Variants in EPHA7 observed in about 807,000 individuals in gnomAD.
EPHA7 encodes EPH receptor A7.
In EPHA7, 25 loss-of-function variants were observed where a neutral mutation model predicts 112.6. The observed-to-expected ratio is 0.22, with a 90% CI of 0.16 to 0.31. The LOEUF is 0.31. Among genes scored for constraint, EPHA7 ranks in the 10% least tolerant of loss-of-function variants. EPHA7 has a pLI of 1.00. For missense variants in EPHA7, 962 were observed against 1,212.6 expected (o/e 0.79, Z 3.07); for synonymous variants, 437 against 406.5 (o/e 1.07, Z -0.90).
At chr6:93,344,307 G>A (rs1775284094) in intron 5 of EPHA7, among the ~76,000 whole-genome samples, 1 of 151,202 alleles carries the variant, frequency 6.6e-6, no homozygotes, top group Non-Finnish European at 1.5e-5. Context: ...AGATTATCAG[G>A]TTCTCAACAA....
chr6:93,383,194 T>G (rs1233787732), intron 3 of EPHA7, among the ~76,000 whole-genome samples: 3 of 151,918 alleles, frequency 2.0e-5, no homozygotes, highest in Non-Finnish European at 4.4e-5. Context: ...TGTGTGTGTG[T>G]GTATATATAT....
intron 5 of EPHA7, among the ~76,000 whole-genome samples, chr6:93,278,347 T>C (rs1771567442): frequency 6.6e-6 from 1 of 152,052 alleles, no homozygotes; most frequent in South Asian, 2.1e-4. Context: ...ATAGAATTTC[T>C]CTTAATGTGA....
In EPHA7 at chr6:93,242,912, C is replaced by G. The variant is rs947054928; in HGVS notation, c.*514G>C. The G allele has an allele frequency of 9.2e-6, 2 of 216,730 alleles. No individual in the cohort carries two copies. Among genetic ancestry groups the G allele is most frequent in the African/African-American group, 4.5e-5 (2 of 44,452 alleles). 13.4% of individuals were successfully genotyped at this position (216,730 alleles called of 1,614,324 possible). A position where few individuals can be genotyped will look rare whatever the true frequency, so the allele number is the denominator to read the frequency against. ...AAATTTGAGATTCTTTCAAAGGTAC[C>G]CAGTGTAGTAATGTTACAGATTTAA... On this transcript the variant is annotated 3_prime_UTR_variant, in exon 17 of 17. Transcript: ENST00000369303.
chr6:93,377,888 C>T (rs1180967973), intron 3 of EPHA7, among the ~76,000 whole-genome samples: 2 of 152,080 alleles, frequency 1.3e-5, no homozygotes, highest in East Asian at 3.9e-4. Flanking sequence ...ATTCTGGGTA[C>T]TTCTTATGTT....
At chr6:93,388,933 A>T (rs1481122639) in intron 3 of EPHA7, among the ~76,000 whole-genome samples, 1 of 152,086 alleles carries the variant, frequency 6.6e-6, no homozygotes, top group East Asian at 1.9e-4. Flanking sequence ...ATGACGCTGG[A>T]GAGTGAGTAG....
chr6:93,323,279 T>C (rs1774167557), intron 5 of EPHA7, among the ~76,000 whole-genome samples: 1 of 151,534 alleles, frequency 6.6e-6, no homozygotes, highest in Non-Finnish European at 1.5e-5. Context: ...TTTATCCACC[T>C]CAGTGGGGAC....
Position 93,240,484 on chromosome 6 carries a change from TA to T in EPHA7, c.*2941del, listed in dbSNP as rs1202548339. 4 of 218,802 alleles carry T rather than the reference TA, an allele frequency of 1.8e-5. No homozygotes were observed. The highest frequency in any genetic ancestry group is 3.7e-5 in the Non-Finnish European group (4 of 109,152). 13.6% of individuals were successfully genotyped at this position (218,802 alleles called of 1,614,324 possible). On this transcript the variant is annotated 3_prime_UTR_variant, in exon 17 of 17. Transcript: ENST00000369303. ...TAAGTATACAATATGATTCAACTAA[TA>T]GTGCTCTGACAAGCATAAACCACCA... is the stretch of plus-strand genomic sequence containing the variant.
At chr6:93,353,527 A>T (rs1338798708) in intron 5 of EPHA7, among the ~76,000 whole-genome samples, 1 of 152,072 alleles carries the variant, frequency 6.6e-6, no homozygotes, top group Non-Finnish European at 1.5e-5. Flanking sequence ...CTGCACTCAC[A>T]TTATTTTCCC....
chr6:93,259,629 T>A (rs1770597140), intron 9 of EPHA7, 150 bp from the exon 10 acceptor site: 1 of 849,932 alleles, frequency 1.2e-6, no homozygotes, highest in African/African-American at 1.7e-5. Flanking sequence ...ACTACTTCAG[T>A]CTGCTGGCGT....
intron 5 of EPHA7, among the ~76,000 whole-genome samples, chr6:93,351,624 A>G (rs1465843278): frequency 4.6e-5 from 7 of 152,048 alleles, no homozygotes; most frequent in African/African-American, 1.4e-4. Context: ...CTGAGTTACT[A>G]CTTTATTTAT....
chr6:93,245,828 T>C (rs567222531), intron 15 of EPHA7, among the ~76,000 whole-genome samples: 52 of 152,170 alleles, frequency 3.4e-4, no homozygotes, highest in Non-Finnish European at 7.3e-4. Context: ...TGTAGAGATA[T>C]TGTGCATCTC....
At chr6:93,362,655 A>C (rs1184835287) in intron 3 of EPHA7, among the ~76,000 whole-genome samples, 3 of 152,154 alleles carry the variant, frequency 2.0e-5, no homozygotes, top group Non-Finnish European at 4.4e-5. Context: ...CAGGCCACTG[A>C]GACTATACTT....
At chr6:93,245,518 C>T (rs1010818852) in intron 15 of EPHA7, 65 bp from the exon 16 acceptor site, 19 of 1,530,018 alleles carry the variant, frequency 1.2e-5, no homozygotes, top group Non-Finnish European at 1.5e-5. Context: ...ATGTTTTGGC[C>T]CATATAAAAT....
intron 5 of EPHA7, among the ~76,000 whole-genome samples, chr6:93,322,146 C>T (rs950872269): frequency 1.6e-4 from 24 of 151,678 alleles, no homozygotes; most frequent in African/African-American, 5.1e-4. Context: ...TTTATAAACA[C>T]GCAAACATGT....
intron 5 of EPHA7, among the ~76,000 whole-genome samples, chr6:93,283,915 T>G (rs906391977): frequency 2.0e-5 from 3 of 152,154 alleles, no homozygotes; most frequent in African/African-American, 7.2e-5. Flanking sequence ...ATAAATACAA[T>G]TTAAAGTTTT....
intron 5 of EPHA7, among the ~76,000 whole-genome samples, chr6:93,310,696 T>C (rs1273920762): frequency 6.6e-6 from 1 of 152,096 alleles, no homozygotes; most frequent in Non-Finnish European, 1.5e-5. Flanking sequence ...ACATTAACAT[T>C]ATACTGTAGT....
intron 5 of EPHA7, among the ~76,000 whole-genome samples, chr6:93,292,498 G>GT (rs869033330): frequency 2.6e-4 from 39 of 150,744 alleles, no homozygotes; most frequent in African/African-American, 7.0e-4. Flanking sequence ...GAAAAGTTGT[G>GT]TTTTTTTTTG....
At chr6:93,287,094 G>A (rs143280014) in intron 5 of EPHA7, among the ~76,000 whole-genome samples, 7 of 152,168 alleles carry the variant, frequency 4.6e-5, no homozygotes, top group Non-Finnish European at 7.4e-5. Context: ...CTAAATAAAC[G>A]AATAATGGTG....
chr6:93,372,985 T>G (rs187649952), intron 3 of EPHA7, among the ~76,000 whole-genome samples: 1 of 151,990 alleles, frequency 6.6e-6, no homozygotes, highest in African/African-American at 2.4e-5. Context: ...TACTTCCTTC[T>G]GAATTATGGT....
Sources: allele counts gnomAD v4.1 joint callset (sites outside exome capture counted in the v4.1 genomes callset), GRCh38; gene constraint gnomAD v4.1.1; transcripts MANE v1.5; gene names NCBI Gene and HGNC (gene_info 2026-07-23, HGNC 2026-07-21).